Variants in DSG2 observed in about 807,000 individuals in gnomAD.
The protein encoded by DSG2 is desmoglein 2.
DSG2 carries 45 observed loss-of-function variants against 75.6 expected under a neutral mutation model. The observed-to-expected ratio is 0.60, with a 90% CI of 0.47 to 0.76. The LOEUF is 0.76. DSG2 is among the 30% of genes least tolerant of loss of function. The pLI, the probability that DSG2 is intolerant of heterozygous loss-of-function variation, is 0.00. For missense variants in DSG2, 1,267 were observed against 1,357.4 expected (o/e 0.93, Z 1.05); for synonymous variants, 429 against 483.9 (o/e 0.89, Z 1.49).
intron 14 of DSG2, among the ~76,000 whole-genome samples, chr18:31,544,367 A>G (rs941511123): frequency 3.3e-5 from 5 of 152,204 alleles, no homozygotes; most frequent in Non-Finnish European, 5.9e-5. Context: ...TCAAATATTT[A>G]TAAATACACA....
At chr18:31,524,307 C>A (rs1001008597) in intron 6 of DSG2, 141 bp from the exon 7 acceptor site, 10 of 1,200,128 alleles carry the variant, frequency 8.3e-6, no homozygotes, top group African/African-American at 4.6e-5. Context: ...TAAATAGTAT[C>A]TTCACACAAA....
Position 31,541,298 on chromosome 18 carries a change from C to T in DSG2, c.1985C>T (p.Ala662Val). The T allele has an allele frequency of 6.2e-7, 1 of 1,614,038 alleles. No homozygotes were observed. The highest frequency in any genetic ancestry group is 2.2e-5 in the East Asian group (1 of 44,874). Reference sequence around the variant, plus strand: ...CTGCATCCTTGGAATAATGAAGGAGCACCACCTGAAGACAAGGTCAGTGGA... The same window carrying T: ...CTGCATCCTTGGAATAATGAAGGAGTACCACCTGAAGACAAGGTCAGTGGA... ...EMLHPWNNEG[A>V]PPEDKVVPSF... Residue 662 changes from alanine (A) to valine (V), a missense_variant, in exon 13 of 15, where the codon GCA (alanine) becomes GTA (valine). Physicochemically the swap from Ala to Val is moderately conservative, Grantham distance 64. Transcript: ENST00000261590.
intron 8 of DSG2, among the ~76,000 whole-genome samples, chr18:31,527,798 A>G (rs1344911114): frequency 6.6e-6 from 1 of 152,206 alleles, no homozygotes; most frequent in Non-Finnish European, 1.5e-5. Context: ...TATTTCTCAC[A>G]GTTCTGGAGG....
At chr18:31,536,124 T>C (rs1215786677) in intron 10 of DSG2, 78 bp from the exon 11 acceptor site, 10 of 1,418,834 alleles carry the variant, frequency 7.0e-6, no homozygotes, top group South Asian at 1.2e-5. Context: ...CCACTCCAAA[T>C]TGGCAAGGGA....
chr18:31,534,508 A>ATTTTTTTTT (rs80270967), intron 9 of DSG2, among the ~76,000 whole-genome samples: 28 of 112,568 alleles, frequency 2.5e-4, no homozygotes, highest in East Asian at 8.9e-4. Context: ...ATGATCATTG[A>ATTTTTTTTT]TTTTTTTTTT....
intron 13 of DSG2, chr18:31,542,262 C>T (rs183913446): frequency 1.1e-4 from 59 of 540,438 alleles, no homozygotes; most frequent in Admixed American, 2.8e-4. Flanking sequence ...TGCCATTGGT[C>T]GCATAGAGTA....
chr18:31,500,335 G>A (rs1481888884), intron 1 of DSG2, among the ~76,000 whole-genome samples: 1 of 152,170 alleles, frequency 6.6e-6, no homozygotes, highest in Non-Finnish European at 1.5e-5. Flanking sequence ...CTGTGACCAG[G>A]AACTGCACTG....
intron 1 of DSG2, among the ~76,000 whole-genome samples, chr18:31,503,943 T>C (rs1012449595): frequency 6.6e-6 from 1 of 152,304 alleles, no homozygotes; most frequent in Middle Eastern, 3.4e-3. Context: ...AATTTTTCTA[T>C]CCAAAATGCT....
In DSG2 at chr18:31,542,670, T is replaced by C; in HGVS notation, c.2152T>C (p.Trp718Arg). The change falls in exon 14 of 15, where the codon TGG becomes CGG. Residue 718 changes from tryptophan (W) to arginine (R), a missense_variant. Trp to Arg is a moderately radical substitution (Grantham distance 101). Transcript: ENST00000261590. ...QHEMSEMDGR[W>R]EEHRSLLSGR... ...TGAGATGTCCGAGATGGATGGAAGG[T>C]GGGAAGAACACAGAAGCCTGCTTTC... 6.2e-7 allele frequency: 1 copy of C among 1,613,884 alleles called. No individual in the cohort carries two copies. Among genetic ancestry groups the C allele is most frequent in the Non-Finnish European group, 8.5e-7 (1 of 1,179,962 alleles).
Position 31,498,290 on chromosome 18 carries a change from T to G in DSG2, c.39T>G (p.Leu13=), listed in dbSNP as rs2072994548. ...CGGGACGCGCGTACGCCCTGCTGCT[T>G]CTCCTGGTAAGTGCCGCAAGCGGGA... ...RSPGRAYALL[L]LLICFNVGSG... Residue 13 remains leucine, a synonymous_variant, in exon 1 of 15, where the codon CTT becomes CTG. Transcript: ENST00000261590. 7.9e-7 allele frequency: 1 copy of G among 1,264,302 alleles called. No individual in the cohort carries two copies. Among genetic ancestry groups the G allele is most frequent in the Admixed American group, 4.0e-5 (1 of 25,006 alleles). The allele number at this position is 1,264,302 out of a possible 1,614,324, so 78.3% of individuals were successfully genotyped here.
intron 2 of DSG2, among the ~76,000 whole-genome samples, chr18:31,518,862 G>A (rs1321979588): frequency 6.6e-6 from 1 of 152,170 alleles, no homozygotes; most frequent in East Asian, 1.9e-4. Flanking sequence ...AAGATCCCAG[G>A]TCAGCTGTAT....
At chr18:31,542,353 C>A (rs1318224874) in intron 13 of DSG2, 167 bp from the exon 14 acceptor site, 3 of 703,078 alleles carry the variant, frequency 4.3e-6, no homozygotes, top group Non-Finnish European at 7.5e-6. Flanking sequence ...GAAAGGAGAT[C>A]TTCATAAGAC....
intron 11 of DSG2, among the ~76,000 whole-genome samples, chr18:31,538,468 TC>T (rs1378852379): frequency 6.6e-6 from 1 of 152,178 alleles, no homozygotes; most frequent in Non-Finnish European, 1.5e-5. Flanking sequence ...GTCACTGTAT[TC>T]CCAGTGTATA....
chr18:31,524,616 A>G (rs1443463348), intron 7 of DSG2, 31 bp downstream of exon 7: 1 of 1,604,738 alleles, frequency 6.2e-7, no homozygotes, highest in South Asian at 1.1e-5. Context: ...AACTGTACCT[A>G]TTTATTTATA....
chr18:31,546,147 G>C lies in DSG2; in HGVS notation c.2761G>C (p.Ala921Pro). Reference sequence around the variant, plus strand: ...GTCTTCTAGGCAGGCGCAAAAGGTAGCTACACCTCTTCCTGACCCAATGGC... The same window carrying C: ...GTCTTCTAGGCAGGCGCAAAAGGTACCTACACCTCTTCCTGACCCAATGGC... ...SVSSRQAQKV[A>P]TPLPDPMASR... The change falls in exon 15 of 15, where the codon GCT becomes CCT. Residue 921 changes from alanine to proline, a missense_variant. Ala to Pro is a conservative substitution (Grantham distance 27). Transcript: ENST00000261590. 1.2e-6 allele frequency: 2 copies of C among 1,614,172 alleles called. 1 individual carries two copies.
At chr18:31,523,093 C>T (rs2073138698) in intron 6 of DSG2, among the ~76,000 whole-genome samples, 1 of 152,154 alleles carries the variant, frequency 6.6e-6, no homozygotes, top group Non-Finnish European at 1.5e-5. Flanking sequence ...AAGTGCACTA[C>T]GTTCAGTATT....
intron 1 of DSG2, among the ~76,000 whole-genome samples, chr18:31,504,661 G>T (rs764628471): frequency 6.6e-6 from 1 of 152,198 alleles, no homozygotes; most frequent in African/African-American, 2.4e-5. Flanking sequence ...AGGACAGTGT[G>T]CATGTGGATG....
chr18:31,542,390 C>T, intron 13 of DSG2, 130 bp from the exon 14 acceptor site: 2 of 905,880 alleles, frequency 2.2e-6, no homozygotes. Flanking sequence ...ACTCAAAATA[C>T]TTTTTCTAAC....
chr18:31,538,960 G>T lies in DSG2; in HGVS notation c.1861G>T (p.Ala621Ser). The part of the protein sequence containing the change: ...GPAAIALMIL[A>S]FLLLLLVPLL... ...CGCAGCAATTGCGCTCATGATTTTG[G>T]CCTTTCTGCTCCTGCTATGTAAGTC... The change falls in exon 12 of 15, where the codon GCC becomes TCC. Residue 621 changes from alanine to serine, a missense_variant. Coordinates refer to ENST00000261590, the MANE Select transcript of DSG2 (RefSeq NM_001943.5). 2 of 1,613,666 alleles carry T rather than the reference G, an allele frequency of 1.2e-6. No individual in the cohort carries two copies. Among genetic ancestry groups the T allele is most frequent in the Non-Finnish European group, 1.7e-6 (2 of 1,180,006 alleles).
Sources: gnomAD v4.1 joint callset for allele counts (sites outside exome capture counted in the v4.1 genomes callset) on GRCh38, gnomAD v4.1.1 for gene constraint, MANE v1.5 for transcripts, NCBI Gene and HGNC (gene_info 2026-07-23, HGNC 2026-07-21) for gene names.